BUB1: variants seen among roughly 807,000 people sequenced by gnomAD.
BUB1 encodes the protein BUB1 mitotic checkpoint serine/threonine kinase, also known as mitotic checkpoint serine/threonine-protein kinase BUB1.
BUB1 carries 84 observed loss-of-function variants against 135.2 expected under a neutral mutation model. The ratio of observed to expected loss-of-function variants is 0.62; its 90% CI spans 0.52 to 0.74. BUB1 has a LOEUF of 0.74. BUB1 is among the 30% of genes least tolerant of loss of function. The pLI is 0.00. For synonymous variants in BUB1, 403 were observed against 434.4 expected, an observed-to-expected ratio of 0.93 and a Z score of 0.90; for missense variants, 1,162 against 1,288.3, an observed-to-expected ratio of 0.90 and a Z score of 1.50.
chr2:110,663,837 G>GC (rs760035845), intron 9 of BUB1, among the ~76,000 whole-genome samples: 6 of 152,124 alleles, frequency 3.9e-5, no homozygotes, highest in East Asian at 1.9e-4. Flanking sequence ...GACCATCCTG[G>GC]TAACACGGTG....
In BUB1 at chr2:110,673,693, G is replaced by C. The variant is rs555196138; in HGVS notation, c.225+393C>G. On this transcript the variant is annotated intron_variant, in intron 3 of 24. Transcript: ENST00000302759. ...GGCTCATGGCAACCTCCACCTCCCA[G>C]GCTCGAGCAATTCTCCTGCCATAGC... Among the ~76,000 whole-genome samples, 4 of 152,154 alleles carry C rather than the reference G, an allele frequency of 2.6e-5. No homozygotes were observed. In the South Asian group the frequency reaches 8.3e-4, roughly 32 times the overall value.
Position 110,637,944 on chromosome 2 carries a change from G to A in BUB1, c.*20C>T. On this transcript the variant is annotated 3_prime_UTR_variant, in exon 25 of 25. Transcript: ENST00000302759. ...TTCATATTTACAGTGTGATTTTTAA[G>A]GACTGTCTATATCCAAATTTTATTT... 1 of 1,383,782 alleles carries A rather than the reference G, an allele frequency of 7.2e-7. No individual in the cohort carries two copies. Among genetic ancestry groups the A allele is most frequent in the Middle Eastern group, 2.4e-4 (1 of 4,200 alleles). The allele number at this position is 1,383,782 out of a possible 1,614,324, so 85.7% of individuals were successfully genotyped here. A position where few individuals can be genotyped will look rare whatever the true frequency, so the allele number is the denominator to read the frequency against.
At chr2:110,640,527 A>G (rs1239599228) in intron 23 of BUB1, among the ~76,000 whole-genome samples, 4 of 152,358 alleles carry the variant, frequency 2.6e-5, no homozygotes, top group Non-Finnish European at 5.9e-5. Context: ...CCATTAGAAT[A>G]ATAATGATCC....
In BUB1 at chr2:110,650,763, T is replaced by C; in HGVS notation, c.1986A>G (p.Pro662=). ...GKFSPIQEKS[P]KQALSSHMYS... ...ACATGTGAGACGACAAGGCCTGTTT[T>C]GGGCTTTTCTCTTGAATTGGACTGG... is the stretch of plus-strand genomic sequence containing the variant. The change falls in exon 18 of 25, where the codon CCA becomes CCG. Residue 662 remains proline (P), a synonymous_variant. Transcript: ENST00000302759. 1 of 1,614,018 alleles carries C rather than the reference T, an allele frequency of 6.2e-7. No individual in the cohort carries two copies. Among genetic ancestry groups the C allele is most frequent in the Non-Finnish European group, 8.5e-7 (1 of 1,179,936 alleles).
chr2:110,649,337 G>A lies in BUB1; in HGVS notation c.2244C>T (p.Phe748=). 6.3e-7 allele frequency: 1 copy of A among 1,587,402 alleles called. No homozygotes were observed. The highest frequency in any genetic ancestry group is 8.6e-7 in the Non-Finnish European group (1 of 1,166,382). ...VGNPWDDKLI[F]KLLSGLSKPV... The stretch of plus-strand genomic sequence containing the variant: ...GTTTAGAAAGCCCAGATAAAAGTTT[G>A]AAAATCAGCTTATCATCCCATGGGT... The change falls in exon 19 of 25, where the codon TTC becomes TTT. Residue 748 remains phenylalanine (F), a synonymous_variant. Transcript: ENST00000302759.
At chr2:110,673,656 T>C (rs1467402466) in intron 3 of BUB1, among the ~76,000 whole-genome samples, 2 of 152,098 alleles carry the variant, frequency 1.3e-5, no homozygotes, top group East Asian at 3.9e-4. Context: ...TGCAGTGACA[T>C]GATCTGATCT....
chr2:110,657,186 T>A, intron 14 of BUB1, 69 bp from the exon 15 acceptor site: 1 of 1,341,842 alleles, frequency 7.5e-7, no homozygotes, highest in Non-Finnish European at 1.0e-6. Context: ...CACTTGACCA[T>A]TAGAAAAGTT....
intron 19 of BUB1, among the ~76,000 whole-genome samples, chr2:110,643,601 C>A (rs72942118): frequency 6.6e-6 from 1 of 152,078 alleles, no homozygotes; most frequent in Non-Finnish European, 1.5e-5. Flanking sequence ...GAAACAGACA[C>A]ACATATGGCA....
intron 16 of BUB1, 99 bp downstream of exon 16, chr2:110,655,640 G>T: frequency 8.7e-7 from 1 of 1,152,464 alleles, no homozygotes; most frequent in Non-Finnish European, 1.2e-6. Context: ...TTCCCATGTG[G>T]AATTTCCATG....
chr2:110,653,383 A>T (rs1689833205), intron 17 of BUB1, 53 bp downstream of exon 17: 2 of 1,546,856 alleles, frequency 1.3e-6, no homozygotes, highest in Non-Finnish European at 1.8e-6. Flanking sequence ...ATGGTAAACA[A>T]TGTTAGAATG....
At chr2:110,654,892 T>C (rs915979135) in intron 16 of BUB1, among the ~76,000 whole-genome samples, 1 of 152,174 alleles carries the variant, frequency 6.6e-6, no homozygotes, top group Non-Finnish European at 1.5e-5. Flanking sequence ...TTTAAAAGCG[T>C]GAGCAATGAT....
chr2:110,639,946 A>G (rs1689460576), intron 23 of BUB1, 98 bp from the exon 24 acceptor site: 1 of 997,520 alleles, frequency 1.0e-6, no homozygotes, highest in Non-Finnish European at 1.6e-6. Flanking sequence ...AAATACTCAC[A>G]GGATTTTACT....
rs1689406218 is a variant in BUB1, at chr2:110,637,937, T to C, written c.*27A>G. On this transcript the variant is annotated 3_prime_UTR_variant, in exon 25 of 25. Transcript: ENST00000302759. ...GAGCAGATTCATATTTACAGTGTGA[T>C]TTTTAAGGACTGTCTATATCCAAAT... The C allele has an allele frequency of 7.4e-7, 1 of 1,357,304 alleles. No homozygotes were observed. The highest frequency in any genetic ancestry group is 9.6e-7 in the Non-Finnish European group (1 of 1,038,140). The allele number at this position is 1,357,304 out of a possible 1,614,324, so 84.1% of individuals were successfully genotyped here.
intron 9 of BUB1, 168 bp downstream of exon 9, chr2:110,666,095 A>T: frequency 1.7e-6 from 1 of 581,126 alleles, no homozygotes; most frequent in Non-Finnish European, 2.5e-6. Flanking sequence ...GTAACTTTCC[A>T]CTCTCACTCT....
At chr2:110,662,851 T>C (rs930040465) in intron 9 of BUB1, among the ~76,000 whole-genome samples, 7 of 152,136 alleles carry the variant, frequency 4.6e-5, no homozygotes, top group African/African-American at 1.7e-4. Flanking sequence ...AGAATAGTTA[T>C]TTTACAGACT....
chr2:110,666,188 G>T (rs986957280), intron 9 of BUB1, 75 bp downstream of exon 9: 26 of 1,273,366 alleles, frequency 2.0e-5, no homozygotes, highest in Non-Finnish European at 2.5e-5. Flanking sequence ...CTCTAAAACA[G>T]CACATAGAAA....
chr2:110,639,865 G>T lies in BUB1; in HGVS notation c.2956-17C>A, dbSNP rs770345159. ...GTAATCGATCTATGAAGAAGATAGA[G>T]GTATATATGACTTAAATAGTAATTT... On this transcript the variant is annotated splice_polypyrimidine_tract_variant and intron_variant, in intron 23 of 24. Transcript: ENST00000302759. 6.3e-7 allele frequency: 1 copy of T among 1,583,704 alleles called. No homozygotes were observed. The highest frequency in any genetic ancestry group is 8.7e-7 in the Non-Finnish European group (1 of 1,152,404).
chr2:110,662,837 G>A (rs1219676088), intron 9 of BUB1, among the ~76,000 whole-genome samples: 3 of 151,694 alleles, frequency 2.0e-5, no homozygotes. Context: ...AAATGTCTAG[G>A]GCAAGAATAG....
chr2:110,676,382 T>C (rs1349736117), intron 1 of BUB1, among the ~76,000 whole-genome samples: 1 of 152,208 alleles, frequency 6.6e-6, no homozygotes, highest in Non-Finnish European at 1.5e-5. Context: ...AAACAGGCTC[T>C]CTGTCGCATC....
Sources: allele counts gnomAD v4.1 joint callset (sites outside exome capture counted in the v4.1 genomes callset), GRCh38; gene constraint gnomAD v4.1.1; transcripts MANE v1.5; gene names NCBI Gene and HGNC (gene_info 2026-07-23, HGNC 2026-07-21).